ETV1: variants seen among roughly 807,000 people sequenced by gnomAD.
The protein encoded by ETV1 is ETS translocation variant 1.
In ETV1, 27 loss-of-function variants were observed where a neutral mutation model predicts 62.3. The observed-to-expected ratio is 0.43, with a 90% CI of 0.32 to 0.60. The LOEUF is 0.60. ETV1 is among the 20% of genes least tolerant of loss of function. The pLI, the probability that ETV1 is intolerant of heterozygous loss-of-function variation, is 0.06. For missense variants in ETV1, 605 were observed against 605.8 expected (o/e 1.00, Z 0.01); for synonymous variants, 222 against 199.6 (o/e 1.11, Z -0.94).
chr7:13,952,494 T>C (rs1788943119), intron 6 of ETV1, among the ~76,000 whole-genome samples: 1 of 152,202 alleles, frequency 6.6e-6, no homozygotes, highest in Non-Finnish European at 1.5e-5. Flanking sequence ...ATGTTCATAA[T>C]GGCAACCCTT....
intron 11 of ETV1, among the ~76,000 whole-genome samples, chr7:13,906,922 C>A (rs921158037): frequency 5.9e-5 from 9 of 152,030 alleles, no homozygotes; most frequent in Non-Finnish European, 1.3e-4. Flanking sequence ...TAAAAACCAT[C>A]GTATCTAATC....
chr7:13,941,662 A>T (rs1430234320), intron 6 of ETV1, among the ~76,000 whole-genome samples: 1 of 152,008 alleles, frequency 6.6e-6, no homozygotes, highest in Non-Finnish European at 1.5e-5. Flanking sequence ...CTTGAGTCCA[A>T]GAGTTGGAGA....
intron 6 of ETV1, chr7:13,974,810 A>T (rs1781258895): frequency 1.3e-5 from 2 of 152,392 alleles, no homozygotes; most frequent in Admixed American, 1.3e-4. Context: ...TCACTGTTGG[A>T]CTTGCTGAGT....
chr7:13,936,388 C>G (rs1442661567), intron 7 of ETV1, among the ~76,000 whole-genome samples: 1 of 152,130 alleles, frequency 6.6e-6, no homozygotes, highest in Non-Finnish European at 1.5e-5. Flanking sequence ...GAAGGCAATG[C>G]TTTTACTTTA....
chr7:13,983,456 G>T (rs1451957889), intron 5 of ETV1, among the ~76,000 whole-genome samples: 1 of 151,894 alleles, frequency 6.6e-6, no homozygotes, highest in South Asian at 2.1e-4. Context: ...GATGTTGATA[G>T]AATTGATATT....
chr7:13,936,799 G>C (rs1786853714), intron 7 of ETV1, among the ~76,000 whole-genome samples: 1 of 152,130 alleles, frequency 6.6e-6, no homozygotes, highest in Non-Finnish European at 1.5e-5. Flanking sequence ...CTAGCACTTT[G>C]GGAGGCTGAG....
intron 4 of ETV1, chr7:13,986,930 T>C: frequency 2.4e-6 from 1 of 417,390 alleles, no homozygotes; most frequent in Non-Finnish European, 4.2e-6. Context: ...TCATCTTTTC[T>C]TCTTTTTAAC....
rs1002057991 is a variant in ETV1, at chr7:13,964,805, T to C, written c.235+12622A>G. On this transcript the variant is annotated intron_variant, in intron 6 of 13. Coordinates refer to ENST00000430479, the MANE Select transcript of ETV1 (RefSeq NM_004956.5). ...TAATGAGTGAAAGCATCCAGGTTCA[T>C]ACTTTTTCTTATTTGCTATTTTCCC... Among the ~76,000 whole-genome samples the C allele has an allele frequency of 5.3e-5, 8 of 152,270 alleles. No individual in the cohort carries two copies. The East Asian group carries it at 1.2e-3, about 22-fold the overall frequency.
chr7:13,961,070 C>T (rs966275584), intron 6 of ETV1, among the ~76,000 whole-genome samples: 33 of 135,984 alleles, frequency 2.4e-4, no homozygotes, highest in East Asian at 2.4e-4. Context: ...CGCTTGAGCG[C>T]GGGTGGTTGA....
At chr7:13,987,059 G>A in intron 4 of ETV1, 1 of 188,750 alleles carries the variant, frequency 5.3e-6, no homozygotes, top group Non-Finnish European at 1.1e-5. Context: ...ATAGTAGTAG[G>A]GGGAAGATTA....
At chr7:13,944,893 C>A (rs1379324191) in intron 6 of ETV1, among the ~76,000 whole-genome samples, 1 of 152,144 alleles carries the variant, frequency 6.6e-6, no homozygotes, top group Non-Finnish European at 1.5e-5. Flanking sequence ...CACAGGGAGA[C>A]TGCTACGTGA....
At chr7:13,971,516 T>C (rs944343113) in intron 6 of ETV1, among the ~76,000 whole-genome samples, 1 of 152,222 alleles carries the variant, frequency 6.6e-6, no homozygotes. Flanking sequence ...TTGTTATTTC[T>C]TTAATAACAT....
intron 9 of ETV1, among the ~76,000 whole-genome samples, chr7:13,920,746 T>C (rs943316736): frequency 2.6e-5 from 4 of 152,196 alleles, no homozygotes; most frequent in Admixed American, 2.0e-4. Flanking sequence ...ACTGTAGATT[T>C]AGAGCATATT....
chr7:13,911,331 CAA>C (rs757725736), intron 9 of ETV1, 24 bp from the exon 10 acceptor site: 2 of 1,568,336 alleles, frequency 1.3e-6, no homozygotes, highest in South Asian at 2.2e-5. Flanking sequence ...CAATATTGGT[CAA>C]AAAGAGTCTG....
chr7:13,909,378 AC>A (rs1465689315), intron 11 of ETV1, among the ~76,000 whole-genome samples: 2 of 152,168 alleles, frequency 1.3e-5, no homozygotes, highest in African/African-American at 2.4e-5. Flanking sequence ...CTTACGCTAC[AC>A]AAAGCTCAGC....
At chr7:13,945,702 G>A (rs913616604) in intron 6 of ETV1, among the ~76,000 whole-genome samples, 2 of 151,968 alleles carry the variant, frequency 1.3e-5, no homozygotes, top group Non-Finnish European at 2.9e-5. Context: ...CATTAGAGAG[G>A]GCTGAGTTGA....
intron 6 of ETV1, among the ~76,000 whole-genome samples, chr7:13,976,238 C>T (rs1781439364): frequency 6.6e-6 from 1 of 152,152 alleles, no homozygotes; most frequent in East Asian, 1.9e-4. Flanking sequence ...TATTGTTTTA[C>T]AGGTACAGAA....
At chr7:13,980,901 C>T (rs1781915154) in intron 5 of ETV1, among the ~76,000 whole-genome samples, 1 of 152,042 alleles carries the variant, frequency 6.6e-6, no homozygotes, top group Non-Finnish European at 1.5e-5. Context: ...AATTTTAATA[C>T]TTTTCTTAAC....
In ETV1 at chr7:13,891,837, C is replaced by T. The variant is rs900404524; in HGVS notation, c.*4029G>A. ...TTCCTCTCTTCTCCATACCAAATCGCAAATGGAAAATAGCTTACTCACTTC... is the reference window on the plus strand; with the variant it reads ...TTCCTCTCTTCTCCATACCAAATCGTAAATGGAAAATAGCTTACTCACTTC... On this transcript the variant is annotated 3_prime_UTR_variant, in exon 14 of 14. Coordinates refer to ENST00000430479, the MANE Select transcript of ETV1 (RefSeq NM_004956.5). 4.8e-5 allele frequency: 11 copies of T among 231,464 alleles called. No individual in the cohort carries two copies. The East Asian group carries it at 5.5e-4, about 12-fold the overall frequency. 14.3% of individuals were successfully genotyped at this position (231,464 alleles called of 1,614,324 possible).
Sources: gnomAD v4.1 joint callset for allele counts (sites outside exome capture counted in the v4.1 genomes callset) on GRCh38, gnomAD v4.1.1 for gene constraint, MANE v1.5 for transcripts, NCBI Gene and HGNC (gene_info 2026-07-23, HGNC 2026-07-21) for gene names.